The following CCDC170 variants were observed in gnomAD, a reference collection of about 807,000 sequenced individuals.
The protein encoded by CCDC170 is coiled-coil domain containing 170, also known as coiled-coil domain-containing protein 170.
Under a neutral mutation model 72.6 loss-of-function variants are expected in CCDC170, and 69 were observed. The ratio of observed to expected loss-of-function variants is 0.95; its 90% CI spans 0.78 to 1.16. The LOEUF is 1.16. Among genes scored for constraint, CCDC170 ranks in the 50% most tolerant of loss-of-function variants. The pLI is 0.00. For missense variants in CCDC170, 852 were observed against 832.5 expected (o/e 1.02, Z -0.29); for synonymous variants, 300 against 303.9 (o/e 0.99, Z 0.13).
intron 1 of CCDC170, among the ~76,000 whole-genome samples, chr6:151,515,690 T>C (rs1318950203): frequency 2.0e-5 from 3 of 152,186 alleles, no homozygotes; most frequent in Non-Finnish European, 4.4e-5. Context: ...TAGACTCTCC[T>C]GAAAAGACCT....
intron 5 of CCDC170, among the ~76,000 whole-genome samples, chr6:151,568,375 A>T (rs896629654): frequency 1.3e-5 from 2 of 152,082 alleles, no homozygotes; most frequent in Non-Finnish European, 2.9e-5. Context: ...GCAGGACATC[A>T]CCTCTCTCAT....
intron 5 of CCDC170, among the ~76,000 whole-genome samples, chr6:151,570,674 C>T (rs897694623): frequency 9.2e-5 from 14 of 152,264 alleles, no homozygotes; most frequent in African/African-American, 2.2e-4. Context: ...AAGGAACGAC[C>T]GTAGTTTCCA....
intron 9 of CCDC170, among the ~76,000 whole-genome samples, chr6:151,597,592 T>A (rs1267758278): frequency 6.6e-6 from 1 of 152,170 alleles, no homozygotes; most frequent in African/African-American, 2.4e-5. Context: ...GGCAAGGGTA[T>A]TTACGTTGTG....
chr6:151,615,333 A>G (rs527627183), intron 9 of CCDC170, 110 bp from the exon 10 acceptor site: 2 of 781,384 alleles, frequency 2.6e-6, no homozygotes, highest in African/African-American at 1.7e-5. Context: ...TCCATTCTTT[A>G]TTCATAAAAA....
chr6:151,557,470 G>A (rs969947282), intron 5 of CCDC170, among the ~76,000 whole-genome samples: 2 of 151,734 alleles, frequency 1.3e-5, no homozygotes, highest in South Asian at 2.1e-4. Context: ...CCGTATATTT[G>A]CTATTGTGAC....
At chr6:151,585,335 C>T (rs1776437164) in intron 6 of CCDC170, among the ~76,000 whole-genome samples, 1 of 152,140 alleles carries the variant, frequency 6.6e-6, no homozygotes, top group South Asian at 2.1e-4. Context: ...TACTCTATAA[C>T]TATGTAGTGT....
chr6:151,607,731 G>A (rs890064103), intron 9 of CCDC170, among the ~76,000 whole-genome samples: 1 of 151,916 alleles, frequency 6.6e-6, no homozygotes. Context: ...TCACTTATAT[G>A]TGACTTTATG....
At chr6:151,541,635 A>G (rs1473768690) in intron 3 of CCDC170, among the ~76,000 whole-genome samples, 10 of 151,952 alleles carry the variant, frequency 6.6e-5, no homozygotes, top group Admixed American at 6.6e-4. Context: ...CTATATGCAT[A>G]TTGTAAAAAA....
rs1781919497 is a variant in CCDC170, at chr6:151,496,892, G to A, written c.57+2707G>A. 2.0e-5 allele frequency among the ~76,000 whole-genome samples: 3 copies of A among 152,196 alleles called. No homozygotes were observed. In the South Asian group the frequency reaches 6.2e-4, roughly 31 times the overall value. ...GGATTTCACGGTTAATAAATGTAAG[G>A]CACTCAAGAGAGTGTCTGACAGAAT... On this transcript the variant is annotated intron_variant, in intron 1 of 10. Coordinates refer to ENST00000239374, the MANE Select transcript of CCDC170 (RefSeq NM_025059.4).
chr6:151,583,053 C>T (rs1323737383), intron 6 of CCDC170, among the ~76,000 whole-genome samples: 15 of 128,364 alleles, frequency 1.2e-4, no homozygotes, highest in Non-Finnish European at 1.4e-4. Flanking sequence ...AGTGCAATGG[C>T]GCAATCTCAG....
intron 9 of CCDC170, among the ~76,000 whole-genome samples, chr6:151,597,987 C>T (rs1776650023): frequency 6.6e-6 from 1 of 152,202 alleles, no homozygotes; most frequent in African/African-American, 2.4e-5. Flanking sequence ...ACATATTTTC[C>T]ACTGTAGTTT....
intron 3 of CCDC170, among the ~76,000 whole-genome samples, chr6:151,539,761 C>A (rs777006574): frequency 2.0e-5 from 3 of 152,146 alleles, no homozygotes; most frequent in Admixed American, 2.0e-4. Flanking sequence ...GGATCTCTGA[C>A]AGGCATCTCA....
intron 1 of CCDC170, among the ~76,000 whole-genome samples, chr6:151,529,255 A>G (rs1453665217): frequency 6.6e-6 from 1 of 152,240 alleles, no homozygotes; most frequent in Non-Finnish European, 1.5e-5. Flanking sequence ...GATCTATCTC[A>G]TATTACCTGT....
At chr6:151,593,523 GT>G (rs1475779129) in intron 8 of CCDC170, among the ~76,000 whole-genome samples, 1 of 152,066 alleles carries the variant, frequency 6.6e-6, no homozygotes, top group Non-Finnish European at 1.5e-5. Context: ...GCAAGTAAAA[GT>G]TTTTTGTTGT....
chr6:151,583,546 C>G lies in CCDC170; in HGVS notation c.1093-2343C>G, dbSNP rs139980905. On this transcript the variant is annotated intron_variant, in intron 6 of 10. Coordinates refer to ENST00000239374, the MANE Select transcript of CCDC170 (RefSeq NM_025059.4). ...GATGTTGGCTCACTACAACCTCTGC[C>G]TCCCAGGTTCAGGTGATTCTCCTGC... 2.7e-3 allele frequency among the ~76,000 whole-genome samples: 411 copies of G among 152,216 alleles called. 2 individuals are homozygous for G. The highest frequency in any genetic ancestry group is 9.2e-3 in the African/African-American group (384 of 41,550).
At chr6:151,543,103 C>T (rs1782716158) in intron 3 of CCDC170, among the ~76,000 whole-genome samples, 1 of 151,906 alleles carries the variant, frequency 6.6e-6, no homozygotes, top group South Asian at 2.1e-4. Context: ...TAAAAAATGA[C>T]ACTAAATTAC....
chr6:151,530,227 T>C (rs955668331), intron 1 of CCDC170, among the ~76,000 whole-genome samples: 3 of 152,140 alleles, frequency 2.0e-5, no homozygotes, highest in African/African-American at 7.2e-5. Flanking sequence ...TATTTTTGTG[T>C]TTAATTTTTG....
chr6:151,515,057 G>A (rs1053207642), intron 1 of CCDC170, among the ~76,000 whole-genome samples: 3 of 152,210 alleles, frequency 2.0e-5, no homozygotes, highest in Admixed American at 2.0e-4. Flanking sequence ...CTTGGAAATT[G>A]TGTTTCTTAT....
At chr6:151,519,805 G>A (rs1453229437) in intron 1 of CCDC170, among the ~76,000 whole-genome samples, 1 of 152,178 alleles carries the variant, frequency 6.6e-6, no homozygotes, top group African/African-American at 2.4e-5. Flanking sequence ...AAGTTGCCAT[G>A]ACATTTGAAA....
Sources: gnomAD v4.1 joint callset for allele counts (sites outside exome capture counted in the v4.1 genomes callset) on GRCh38, gnomAD v4.1.1 for gene constraint, MANE v1.5 for transcripts, NCBI Gene and HGNC (gene_info 2026-07-23, HGNC 2026-07-21) for gene names.